SDK2: variants seen among roughly 807,000 people sequenced by gnomAD.
SDK2 encodes protein sidekick-2.
SDK2 carries 105 observed loss-of-function variants against 253.9 expected under a neutral mutation model. That is an observed-to-expected ratio of 0.41 (90% CI 0.35 to 0.49). SDK2 has a LOEUF of 0.49. SDK2 is among the 20% of genes least tolerant of loss of function. The pLI is 0.06. For missense variants in SDK2, 2,608 were observed against 3,003.0 expected (o/e 0.87, Z 3.07); for synonymous variants, 1,249 against 1,234.9 (o/e 1.01, Z -0.24).
intron 1 of SDK2, chr17:73,517,620 A>G (rs4789099): frequency 0.14 from 21,021 of 152,212 alleles, 2,414 homozygotes; most frequent in African/African-American, 0.32. Context: ...TGGCCTCCAG[A>G]ACTGTGAGAG....
intron 44 of SDK2, among the ~76,000 whole-genome samples, chr17:73,339,825 G>A (rs1441044501): frequency 6.6e-6 from 1 of 152,018 alleles, no homozygotes; most frequent in East Asian, 1.9e-4. Context: ...CTAAAGTGCT[G>A]GGATTACAGG....
At position 73,361,676 on chromosome 17, in the gene SDK2, TCTC is replaced by T; in HGVS notation, c.5467+5_5467+7del. On this transcript the variant is annotated splice_donor_5th_base_variant and intron_variant, in intron 39 of 44. Coordinates refer to ENST00000392650, the MANE Select transcript of SDK2 (RefSeq NM_001144952.2). This position sits in a 1 kb window ranked among gnomAD's most constrained non-coding sequence, Gnocchi z 4.1. ...GTGGAAGACATGCCTGGTCCGTTGCTCTCCTACCTTCTCCGGGGCCCGTGGTGA... is the reference window on the plus strand; with the variant it reads ...GTGGAAGACATGCCTGGTCCGTTGCTCTACCTTCTCCGGGGCCCGTGGTGA... The T allele has an allele frequency of 6.2e-7, 1 of 1,607,826 alleles. No homozygotes were observed. Among genetic ancestry groups the T allele is most frequent in the South Asian group, 1.1e-5 (1 of 90,892 alleles).
intron 1 of SDK2, among the ~76,000 whole-genome samples, chr17:73,628,922 A>AC (rs966446970): frequency 1.1e-4 from 16 of 151,542 alleles, no homozygotes; most frequent in African/African-American, 3.6e-4. Flanking sequence ...CCATGCCCAG[A>AC]CCCCCCTGGA....
At chr17:73,381,114 C>T (rs1389731865) in intron 33 of SDK2, among the ~76,000 whole-genome samples, 164 bp from the exon 34 acceptor site, 1 of 152,180 alleles carries the variant, frequency 6.6e-6, no homozygotes, top group East Asian at 1.9e-4. Context: ...AGTTACGGGC[C>T]AGGATAACAG....
chr17:73,412,039 T>TATATATACACACAC, intron 18 of SDK2, among the ~76,000 whole-genome samples: 1 of 6,292 alleles, frequency 1.6e-4, no homozygotes, highest in Non-Finnish European at 8.4e-4. Flanking sequence ...TATATACGTA[T>TATATATACACACAC]ATATATGTAT....
intron 1 of SDK2, among the ~76,000 whole-genome samples, chr17:73,537,703 G>T (rs879776971): frequency 2.0e-5 from 3 of 152,098 alleles, no homozygotes; most frequent in Non-Finnish European, 2.9e-5. Context: ...AGGGAGAATT[G>T]CCTGTAAGCA....
chr17:73,386,630 T>A, intron 30 of SDK2, 82 bp from the exon 31 acceptor site: 1 of 950,872 alleles, frequency 1.1e-6, no homozygotes, highest in South Asian at 1.4e-5. Flanking sequence ...GTCTCCCTGA[T>A]CTGGCCCTGC....
At chr17:73,601,163 G>A (rs1367015562) in intron 1 of SDK2, among the ~76,000 whole-genome samples, 1 of 151,968 alleles carries the variant, frequency 6.6e-6, no homozygotes, top group Non-Finnish European at 1.5e-5. Flanking sequence ...GGGAATACAG[G>A]CATGCACCAC....
intron 3 of SDK2, among the ~76,000 whole-genome samples, chr17:73,462,092 GGGAT>G (rs1322865931): frequency 4.6e-5 from 7 of 152,120 alleles, no homozygotes; most frequent in African/African-American, 1.2e-4. Flanking sequence ...CATGTATGGT[GGGAT>G]GGATGGTTGT....
intron 1 of SDK2, among the ~76,000 whole-genome samples, chr17:73,615,151 A>G (rs1413505440): frequency 6.6e-6 from 1 of 152,208 alleles, no homozygotes; most frequent in African/African-American, 2.4e-5. Flanking sequence ...ACACACAATG[A>G]GTACATACTT....
intron 2 of SDK2, among the ~76,000 whole-genome samples, chr17:73,489,047 C>G (rs1359633792): frequency 6.6e-6 from 1 of 152,212 alleles, no homozygotes; most frequent in Non-Finnish European, 1.5e-5. Context: ...TGGAGCTACA[C>G]CATGCCAGAC....
chr17:73,508,325 G>A (rs930221179), intron 1 of SDK2, among the ~76,000 whole-genome samples: 3 of 152,276 alleles, frequency 2.0e-5, no homozygotes, highest in South Asian at 2.1e-4. Flanking sequence ...GACAGAGACC[G>A]TGAATTTCGC....
At chr17:73,411,076 C>A (rs193134162) in intron 18 of SDK2, among the ~76,000 whole-genome samples, 1 of 151,964 alleles carries the variant, frequency 6.6e-6, no homozygotes, top group Non-Finnish European at 1.5e-5. Flanking sequence ...CTGCCTCCCC[C>A]CAGGGTCCCA....
chr17:73,597,605 A>G (rs1393161805), intron 1 of SDK2, among the ~76,000 whole-genome samples: 3 of 150,706 alleles, frequency 2.0e-5, no homozygotes, highest in African/African-American at 7.3e-5. Flanking sequence ...ATAAATATGT[A>G]TTCATAGGAG....
intron 1 of SDK2, among the ~76,000 whole-genome samples, chr17:73,632,477 G>C (rs970820506): frequency 6.6e-6 from 1 of 152,158 alleles, no homozygotes; most frequent in African/African-American, 2.4e-5. Flanking sequence ...TTTTCCAGGG[G>C]CTCTCAGACC....
intron 38 of SDK2, among the ~76,000 whole-genome samples, chr17:73,363,524 C>T (rs2062658626): frequency 6.6e-6 from 1 of 152,192 alleles, no homozygotes; most frequent in South Asian, 2.1e-4. Flanking sequence ...GTTTTCCCTA[C>T]AGGACAGTGG....
intron 33 of SDK2, among the ~76,000 whole-genome samples, chr17:73,381,397 C>A (rs1382565355): frequency 6.6e-6 from 1 of 151,768 alleles, no homozygotes; most frequent in Non-Finnish European, 1.5e-5. Flanking sequence ...AAAATCACAA[C>A]CACAAGCACA....
chr17:73,540,280 G>A (rs755227034), intron 1 of SDK2, among the ~76,000 whole-genome samples: 20 of 152,192 alleles, frequency 1.3e-4, no homozygotes, highest in Non-Finnish European at 2.6e-4. Context: ...AGTCTATTTC[G>A]GTGGTTCTAA....
chr17:73,437,385 C>T (rs573744594), intron 8 of SDK2, among the ~76,000 whole-genome samples: 8 of 152,288 alleles, frequency 5.3e-5, no homozygotes, highest in African/African-American at 1.7e-4. Flanking sequence ...TTATAAGACA[C>T]ATCTCAGGTG....
Sources: gnomAD v4.1 joint callset for allele counts (sites outside exome capture counted in the v4.1 genomes callset) on GRCh38, gnomAD v4.1.1 for gene constraint, Gnocchi (gnomAD v3.1) non-coding constraint, MANE v1.5 for transcripts, NCBI Gene and HGNC (gene_info 2026-07-23, HGNC 2026-07-21) for gene names.